ATP2B2: variants seen among roughly 807,000 people sequenced by gnomAD.
ATP2B2 encodes the protein plasma membrane calcium-transporting ATPase 2.
A neutral mutation model predicts 120.0 loss-of-function variants in ATP2B2; 15 were observed. The ratio of observed to expected loss-of-function variants is 0.12; its 90% CI spans 0.08 to 0.19. The LOEUF is 0.19. ATP2B2 is among the 10% of genes least tolerant of loss of function. The probability of loss-of-function intolerance (pLI) is 1.00; values close to 1 mark genes in which losing one functional copy is unlikely to be tolerated. For synonymous variants in ATP2B2, 694 were observed against 700.3 expected, an observed-to-expected ratio of 0.99 and a Z score of 0.14; for missense variants, 1,045 against 1,719.8, an observed-to-expected ratio of 0.61 and a Z score of 6.94.
chr3:10,674,041 G>A (rs769530599), intron 1 of ATP2B2, among the ~76,000 whole-genome samples: 9 of 151,420 alleles, frequency 5.9e-5, no homozygotes, highest in Non-Finnish European at 1.2e-4. Flanking sequence ...GGCAGATCCA[G>A]GTTTCAAATC....
chr3:10,433,383 C>A lies in ATP2B2; in HGVS notation c.199+15962G>T, dbSNP rs1011829237. On this transcript the variant is annotated intron_variant, in intron 2 of 22. Coordinates refer to ENST00000360273, the MANE Select transcript of ATP2B2 (RefSeq NM_001001331.4). Reference sequence around the variant, plus strand: ...CCCAGCTGACAGCTCTAGGCTCTAACAGAGTAGGGGGTGCTATTTCTGATA... The same window carrying A: ...CCCAGCTGACAGCTCTAGGCTCTAAAAGAGTAGGGGGTGCTATTTCTGATA... Among the ~76,000 whole-genome samples, 3 of 152,150 alleles carry A rather than the reference C, an allele frequency of 2.0e-5. No homozygotes were observed. In the East Asian group the frequency reaches 5.8e-4, roughly 29 times the overall value.
chr3:10,454,301 G>T (rs1018125997), intron 1 of ATP2B2, among the ~76,000 whole-genome samples: 2 of 152,110 alleles, frequency 1.3e-5, no homozygotes, highest in Non-Finnish European at 2.9e-5. Context: ...TTTCCTCTCA[G>T]CTCCAAGTAG....
chr3:10,375,855 T>C lies in ATP2B2; in HGVS notation c.1202-211A>G. ...TCCTGCTCTGTACAATGGGGATGCA[T>C]ACTTCCTCCCCAAGATTTTGTAAGG... On this transcript the variant is annotated intron_variant, in intron 10 of 22. Coordinates refer to ENST00000360273, the MANE Select transcript of ATP2B2 (RefSeq NM_001001331.4). This position sits in a 1 kb window ranked among gnomAD's most constrained non-coding sequence, Gnocchi z 4.2. Among the ~76,000 whole-genome samples the C allele has an allele frequency of 6.6e-6, 1 of 152,164 alleles. No homozygotes were observed. The highest frequency in any genetic ancestry group is 1.5e-5 in the Non-Finnish European group (1 of 68,028).
rs763948536 is a variant in ATP2B2, at chr3:10,350,473, G to A, written c.2241C>T (p.Ile747=). ...ACAGAAAGTCCTCCCCAGGATGGATGATGCCACACTTGATGGCGATGGCCC... is the reference window on the plus strand; with the variant it reads ...ACAGAAAGTCCTCCCCAGGATGGATAATGCCACACTTGATGGCGATGGCCC... The part of the protein sequence containing the change: ...TARAIAIKCG[I]IHPGEDFLCL... Residue 747 remains isoleucine, a synonymous_variant, in exon 15 of 23, where the codon ATC becomes ATT. Transcript: ENST00000360273. 1.2e-6 allele frequency: 2 copies of A among 1,614,232 alleles called. No homozygotes were observed. Among genetic ancestry groups the A allele is most frequent in the Non-Finnish European group, 1.7e-6 (2 of 1,180,038 alleles).
At chr3:10,382,240 T>C (rs2061552434) in intron 8 of ATP2B2, among the ~76,000 whole-genome samples, 1 of 143,686 alleles carries the variant, frequency 7.0e-6, no homozygotes, top group African/African-American at 2.6e-5. Context: ...CTCACTATGA[T>C]GTCTAGGCTG....
chr3:10,606,912 CAGAGAGAGAGAGAG>C (rs1185602877), intron 2 of ATP2B2, among the ~76,000 whole-genome samples: 3 of 62,526 alleles, frequency 4.8e-5, no homozygotes, highest in African/African-American at 9.5e-5. Flanking sequence ...CACACACACA[CAGAGAGAGAGAGAG>C]AGAGAGAGAG....
At chr3:10,508,712 TG>T (rs938297023), upstream of ATP2B2, among the ~76,000 whole-genome samples, 8 of 152,214 alleles carry the variant, frequency 5.3e-5, no homozygotes, top group African/African-American at 1.9e-4. Context: ...CAGGATGTGT[TG>T]GGGGGCAGGG....
chr3:10,648,305 C>A (rs1026012788), intron 1 of ATP2B2, among the ~76,000 whole-genome samples: 1 of 152,204 alleles, frequency 6.6e-6, no homozygotes, highest in Non-Finnish European at 1.5e-5. Flanking sequence ...CTGACTAACA[C>A]CTTCCCGGCT....
intron 2 of ATP2B2, among the ~76,000 whole-genome samples, chr3:10,590,616 C>T (rs1027874903): frequency 6.6e-6 from 1 of 152,338 alleles, no homozygotes; most frequent in Non-Finnish European, 1.5e-5. Flanking sequence ...CTTGGATTCA[C>T]TCTGCGTCGT....
At position 10,343,615 on chromosome 3, in the gene ATP2B2, G is replaced by A. The variant is rs570955809; in HGVS notation, c.2704-650C>T. ...TCAGACCTGTCTCTTTGGCTGAGAGGAGCTGGTTCTTCTGTCCCCATCCTT... is the reference window on the plus strand; with the variant it reads ...TCAGACCTGTCTCTTTGGCTGAGAGAAGCTGGTTCTTCTGTCCCCATCCTT... On this transcript the variant is annotated intron_variant, in intron 18 of 22. Transcript: ENST00000360273. This position sits in a 1 kb window ranked among gnomAD's most constrained non-coding sequence, Gnocchi z 4.2. Among the ~76,000 whole-genome samples the A allele has an allele frequency of 9.2e-5, 14 of 152,166 alleles. No homozygotes were observed. The East Asian group carries it at 2.7e-3, about 29-fold the overall frequency.
chr3:10,573,282 A>G (rs962759677), intron 2 of ATP2B2, among the ~76,000 whole-genome samples: 1 of 152,110 alleles, frequency 6.6e-6, no homozygotes, highest in Non-Finnish European at 1.5e-5. Context: ...TTGAATGTCT[A>G]TGTTAATTGC....
chr3:10,501,524 C>T (rs1327371755), intron 1 of ATP2B2, among the ~76,000 whole-genome samples: 1 of 152,124 alleles, frequency 6.6e-6, no homozygotes, highest in East Asian at 1.9e-4. Context: ...GAGTATGCCA[C>T]CACACCCTGC....
At chr3:10,339,785 G>A (rs1440491131) in intron 21 of ATP2B2, among the ~76,000 whole-genome samples, 2 of 152,140 alleles carry the variant, frequency 1.3e-5, no homozygotes, top group Admixed American at 6.6e-5. Context: ...ACCAGCGCCC[G>A]CAGACCACTG....
intron 12 of ATP2B2, among the ~76,000 whole-genome samples, chr3:10,364,083 A>G (rs1476094088): frequency 6.6e-6 from 1 of 152,230 alleles, no homozygotes; most frequent in African/African-American, 2.4e-5. Context: ...ATGCTACCAC[A>G]TGAAGGAATC....
chr3:10,396,819 C>T (rs1379382781), intron 5 of ATP2B2, among the ~76,000 whole-genome samples: 1 of 151,880 alleles, frequency 6.6e-6, no homozygotes, highest in Non-Finnish European at 1.5e-5. Context: ...CAGATTTCAA[C>T]ACAACCTCAT....
At chr3:10,706,813 G>A (rs886843963) in intron 1 of ATP2B2, among the ~76,000 whole-genome samples, 21 of 152,316 alleles carry the variant, frequency 1.4e-4, no homozygotes, top group African/African-American at 4.3e-4. Context: ...CACACAGCTA[G>A]TAAGAGACAG....
intron 2 of ATP2B2, among the ~76,000 whole-genome samples, chr3:10,412,780 G>A (rs976907616): frequency 1.4e-4 from 21 of 152,182 alleles, no homozygotes; most frequent in Non-Finnish European, 3.1e-4. Flanking sequence ...ATGCAGGTCC[G>A]AGTGTTACGA....
intron 10 of ATP2B2, among the ~76,000 whole-genome samples, chr3:10,377,970 T>G (rs1288744089): frequency 6.6e-6 from 1 of 152,248 alleles, no homozygotes; most frequent in Non-Finnish European, 1.5e-5. Context: ...TAGAAGTTAC[T>G]TTCCCAAGTT....
intron 2 of ATP2B2, among the ~76,000 whole-genome samples, chr3:10,413,447 C>T (rs376314628): frequency 1.3e-5 from 2 of 152,228 alleles, no homozygotes; most frequent in Admixed American, 6.5e-5. Flanking sequence ...GCAGTGAGAA[C>T]GAATGAACCC....
Sources: gnomAD v4.1 joint callset for allele counts (sites outside exome capture counted in the v4.1 genomes callset) on GRCh38, gnomAD v4.1.1 for gene constraint, Gnocchi (gnomAD v3.1) non-coding constraint, MANE v1.5 for transcripts, NCBI Gene and HGNC (gene_info 2026-07-23, HGNC 2026-07-21) for gene names.